Variants in BTAF1 observed in about 807,000 individuals in gnomAD.
BTAF1 encodes the protein B-TFIID TATA-box binding protein associated factor 1.
A neutral mutation model predicts 227.1 loss-of-function variants in BTAF1; 38 were observed. The observed-to-expected ratio is 0.17, with a 90% CI of 0.13 to 0.22. The LOEUF (loss-of-function observed/expected upper bound fraction) is 0.22, where lower values mean the gene tolerates loss of function less well. Ranked by LOEUF, BTAF1 falls within the 10% of genes least tolerant of loss-of-function variation. The probability of loss-of-function intolerance (pLI) is 1.00; values close to 1 mark genes in which losing one functional copy is unlikely to be tolerated. For missense variants in BTAF1, 1,598 were observed against 2,204.0 expected, an observed-to-expected ratio of 0.73 and a Z score of 5.51; for synonymous variants, 742 against 751.9, an observed-to-expected ratio of 0.99 and a Z score of 0.21.
chr10:92,020,184 C>T (rs1851025123), intron 34 of BTAF1, among the ~76,000 whole-genome samples: 1 of 151,928 alleles, frequency 6.6e-6, no homozygotes, highest in Admixed American at 6.6e-5. Context: ...TTTTACATGA[C>T]CATTTGCTTT....
chr10:92,001,969 CA>C (rs1849565813), intron 25 of BTAF1, among the ~76,000 whole-genome samples: 2 of 109,992 alleles, frequency 1.8e-5, no homozygotes, highest in Non-Finnish European at 3.6e-5. Context: ...AAAAAAAAAC[CA>C]TATATATATA....
intron 35 of BTAF1, 123 bp downstream of exon 35, chr10:92,025,090 A>G (rs556789999): frequency 2.5e-6 from 2 of 786,290 alleles, no homozygotes; most frequent in East Asian, 5.4e-5. Flanking sequence ...TGTGTAATTC[A>G]CCCCAAATAA....
rs562497487 is a variant in BTAF1, at chr10:91,923,930, A to G, written c.-147A>G. 100 of 998,270 alleles carry G rather than the reference A, an allele frequency of 1.0e-4. No homozygotes were observed. In the African/African-American group the frequency reaches 1.6e-3, roughly 16 times the overall value. 61.8% of individuals were successfully genotyped at this position (998,270 alleles called of 1,614,324 possible). A position where few individuals can be genotyped will look rare whatever the true frequency, so the allele number is the denominator to read the frequency against. On this transcript the variant is annotated 5_prime_UTR_variant, in exon 1 of 38. Transcript: ENST00000265990. ...GGGTAGGCGGCAGGGCAGATGCCCG[A>G]GGGCCTGCGCTGGAACGCCCCACGC...
chr10:91,926,887 C>T (rs746537966), intron 1 of BTAF1, among the ~76,000 whole-genome samples: 1 of 152,136 alleles, frequency 6.6e-6, no homozygotes, highest in African/African-American at 2.4e-5. Context: ...TTAGTTGTTT[C>T]CTATTGCCTT....
At chr10:92,002,393 A>G (rs1849610136) in intron 25 of BTAF1, among the ~76,000 whole-genome samples, 1 of 152,156 alleles carries the variant, frequency 6.6e-6, no homozygotes, top group South Asian at 2.1e-4. Context: ...GCTGATTTTT[A>G]TGGACATTGG....
chr10:91,957,681 A>G (rs1023608552), intron 8 of BTAF1, among the ~76,000 whole-genome samples: 2 of 152,232 alleles, frequency 1.3e-5, no homozygotes, highest in Non-Finnish European at 2.9e-5. Flanking sequence ...CCCAATGTGT[A>G]GAAGAGAAGA....
At chr10:91,957,879 A>G (rs987480222) in intron 8 of BTAF1, among the ~76,000 whole-genome samples, 2 of 152,178 alleles carry the variant, frequency 1.3e-5, no homozygotes, top group African/African-American at 2.4e-5. Context: ...CACAGTGTCA[A>G]TAGCTTGTTC....
intron 14 of BTAF1, among the ~76,000 whole-genome samples, chr10:91,968,847 G>A (rs779200099): frequency 3.3e-5 from 5 of 151,942 alleles, no homozygotes; most frequent in Non-Finnish European, 7.4e-5. Flanking sequence ...CTTCGGTGAG[G>A]TGTCTGTTCA....
At chr10:92,008,021 T>G in intron 25 of BTAF1, 102 bp from the exon 26 acceptor site, 1 of 1,128,330 alleles carries the variant, frequency 8.9e-7, no homozygotes, top group Non-Finnish European at 1.3e-6. Context: ...TTTGTACAAT[T>G]TTCAGAATTC....
At chr10:91,939,697 C>CA (rs1361262698) in intron 2 of BTAF1, among the ~76,000 whole-genome samples, 4 of 152,198 alleles carry the variant, frequency 2.6e-5, no homozygotes, top group Admixed American at 1.3e-4. Flanking sequence ...CTCGGTCTCC[C>CA]AAAGTGCTGG....
chr10:91,957,416 C>G, intron 8 of BTAF1, 123 bp downstream of exon 8: 2 of 616,766 alleles, frequency 3.2e-6, no homozygotes, highest in Admixed American at 5.7e-5. Flanking sequence ...GGACTCAGGG[C>G]ACGTCATATC....
At chr10:91,983,195 A>G (rs1434463956) in intron 18 of BTAF1, among the ~76,000 whole-genome samples, 1 of 152,240 alleles carries the variant, frequency 6.6e-6, no homozygotes, top group Non-Finnish European at 1.5e-5. Flanking sequence ...GGTCACAGGA[A>G]GAATAACATC....
At chr10:91,928,774 GC>G (rs1844055843) in intron 1 of BTAF1, among the ~76,000 whole-genome samples, 1 of 60,550 alleles carries the variant, frequency 1.7e-5, no homozygotes, top group South Asian at 5.3e-4. Context: ...CCCCCCCCCC[GC>G]CCCCCAAAAA....
rs780731014 is a variant in BTAF1 at position 92,011,064 on chromosome 10, T to A, written c.4104-9T>A. 6.3e-7 allele frequency: 1 copy of A among 1,587,190 alleles called. No individual in the cohort carries two copies. The highest frequency in any genetic ancestry group is 2.2e-5 in the East Asian group (1 of 44,466). ...TCTGTTTTCTAATTTTATTCATTTCTAAATAAAGGTTACAGCACCAAGTAA... is the reference window on the plus strand; with the variant it reads ...TCTGTTTTCTAATTTTATTCATTTCAAAATAAAGGTTACAGCACCAAGTAA... On this transcript the variant is annotated splice_polypyrimidine_tract_variant and intron_variant, in intron 28 of 37. Transcript: ENST00000265990.
At chr10:91,934,763 C>T (rs1293085918) in intron 1 of BTAF1, among the ~76,000 whole-genome samples, 1 of 152,114 alleles carries the variant, frequency 6.6e-6, no homozygotes, top group Non-Finnish European at 1.5e-5. Context: ...TATACTCTCC[C>T]TTCTCTTATT....
chr10:91,975,215 A>G (rs1013389986), intron 14 of BTAF1, among the ~76,000 whole-genome samples: 3 of 152,216 alleles, frequency 2.0e-5, no homozygotes, highest in Non-Finnish European at 2.9e-5. Flanking sequence ...TTACCAATAC[A>G]TTAACTTTTG....
intron 25 of BTAF1, among the ~76,000 whole-genome samples, chr10:92,000,367 TTTTG>T (rs1849436984): frequency 6.6e-6 from 1 of 152,268 alleles, no homozygotes; most frequent in African/African-American, 2.4e-5. Flanking sequence ...TGACCGCAGT[TTTTG>T]TTTGTTTTTA....
chr10:91,950,152 G>GGGGT (rs1845657990), intron 4 of BTAF1, among the ~76,000 whole-genome samples: 6 of 86,032 alleles, frequency 7.0e-5, no homozygotes, highest in Admixed American at 2.5e-4. Flanking sequence ...CCTTTGTGGG[G>GGGGT]GGGGGCGGGA....
rs1851761530 is a variant in BTAF1, at chr10:92,029,595, A to G, written c.*662A>G. Reference sequence around the variant, plus strand: ...ATATTTAAGGCTACCATAACATCCTATTTAGAGGGTGGTTTTTTTTAATTT... The same window carrying G: ...ATATTTAAGGCTACCATAACATCCTGTTTAGAGGGTGGTTTTTTTTAATTT... On this transcript the variant is annotated 3_prime_UTR_variant, in exon 38 of 38. Transcript: ENST00000265990. The G allele has an allele frequency of 6.6e-6, 1 of 151,918 alleles. No individual in the cohort carries two copies. The highest frequency in any genetic ancestry group is 6.6e-5 in the Admixed American group (1 of 15,252). The allele number at this position is 151,918 out of a possible 1,614,324, so 9.4% of individuals were successfully genotyped here. A position where few individuals can be genotyped will look rare whatever the true frequency, so the allele number is the denominator to read the frequency against.
Sources: gnomAD v4.1 joint callset for allele counts (sites outside exome capture counted in the v4.1 genomes callset) on GRCh38, gnomAD v4.1.1 for gene constraint, MANE v1.5 for transcripts, NCBI Gene and HGNC (gene_info 2026-07-23, HGNC 2026-07-21) for gene names.